Variants in CCDC15 observed in about 807,000 individuals in gnomAD.
CCDC15 encodes the protein coiled-coil domain-containing protein 15.
A neutral mutation model predicts 114.5 loss-of-function variants in CCDC15; 105 were observed. The ratio of observed to expected loss-of-function variants is 0.92; its 90% CI spans 0.78 to 1.08. The LOEUF (loss-of-function observed/expected upper bound fraction) is 1.08. CCDC15 is among the 50% of genes least tolerant of loss of function. CCDC15 has a pLI of 0.00. For synonymous variants in CCDC15, 334 were observed against 377.8 expected, an observed-to-expected ratio of 0.88 and a Z score of 1.34; for missense variants, 1,105 against 1,093.6, an observed-to-expected ratio of 1.01 and a Z score of -0.15.
chr11:125,007,619 G>A (rs71474124), intron 13 of CCDC15, among the ~76,000 whole-genome samples: 2 of 151,966 alleles, frequency 1.3e-5, no homozygotes, highest in Non-Finnish European at 2.9e-5. Context: ...GGATCATCTG[G>A]AAGTTCTGTT....
chr11:124,954,856 G>T lies in CCDC15; in HGVS notation c.124G>T (p.Val42Phe). Residue 42 changes from valine (V) to phenylalanine (F), a missense_variant, in exon 2 of 16, where the codon GTT (valine) becomes TTT (phenylalanine). By Grantham distance (50) the Val-to-Phe change is conservative (BLOSUM62 -1). Transcript: ENST00000344762. ...LAERNEAIVP[V>F]GAWVEPASPG... ...TGAGAGGAACGAGGCTATAGTACCAGTTGGGGCATGGGTGGAACCTGCCTC... is the reference window on the plus strand; with the variant it reads ...TGAGAGGAACGAGGCTATAGTACCATTTGGGGCATGGGTGGAACCTGCCTC... 6.2e-7 allele frequency: 1 copy of T among 1,614,046 alleles called. No homozygotes were observed. The highest frequency in any genetic ancestry group is 8.5e-7 in the Non-Finnish European group (1 of 1,179,892).
intron 13 of CCDC15, among the ~76,000 whole-genome samples, chr11:125,020,761 A>G (rs1264738013): frequency 6.6e-6 from 1 of 152,026 alleles, no homozygotes; most frequent in Admixed American, 6.6e-5. Flanking sequence ...TTTACAATAG[A>G]GGCTTTGAAG....
At chr11:124,990,732 A>G (rs746326094) in intron 8 of CCDC15, among the ~76,000 whole-genome samples, 1 of 152,142 alleles carries the variant, frequency 6.6e-6, no homozygotes, top group Non-Finnish European at 1.5e-5. Flanking sequence ...GAACAATTTA[A>G]TTTTTTATTT....
chr11:124,958,468 A>G (rs538622900), intron 2 of CCDC15, among the ~76,000 whole-genome samples: 1 of 152,234 alleles, frequency 6.6e-6, no homozygotes, highest in Middle Eastern at 3.4e-3. Context: ...CCTGGTTTAG[A>G]ATATGTTTTG....
chr11:125,004,191 T>C (rs1301627438), intron 12 of CCDC15, among the ~76,000 whole-genome samples: 1 of 152,030 alleles, frequency 6.6e-6, no homozygotes, highest in African/African-American at 2.4e-5. Context: ...AATAAATTTC[T>C]CCAGCTAATG....
intron 13 of CCDC15, among the ~76,000 whole-genome samples, chr11:125,036,240 C>T (rs1304963945): frequency 2.4e-5 from 3 of 124,444 alleles, no homozygotes; most frequent in Admixed American, 8.4e-5. Flanking sequence ...AATATTTTCA[C>T]CAGACATACT....
chr11:124,985,450 T>G (rs1412778999), intron 6 of CCDC15, among the ~76,000 whole-genome samples: 1 of 152,236 alleles, frequency 6.6e-6, no homozygotes, highest in Non-Finnish European at 1.5e-5. Context: ...ACCAGCAATA[T>G]GTGAGGGTTC....
intron 4 of CCDC15, among the ~76,000 whole-genome samples, chr11:124,968,865 C>T (rs1947832261): frequency 6.6e-6 from 1 of 152,154 alleles, no homozygotes; most frequent in Non-Finnish European, 1.5e-5. Context: ...CACTATTGGA[C>T]AACTCATTAC....
At chr11:124,976,806 G>A (rs1003819034) in intron 5 of CCDC15, among the ~76,000 whole-genome samples, 2 of 151,996 alleles carry the variant, frequency 1.3e-5, no homozygotes, top group East Asian at 1.9e-4. Context: ...AGTTTTTTAC[G>A]TCAGAGGTGC....
At chr11:124,963,018 A>G (rs1307614390) in intron 4 of CCDC15, among the ~76,000 whole-genome samples, 3 of 152,160 alleles carry the variant, frequency 2.0e-5, no homozygotes, top group East Asian at 1.9e-4. Context: ...CATGGTGTAT[A>G]TGTGCCACAT....
intron 13 of CCDC15, among the ~76,000 whole-genome samples, chr11:125,012,798 A>T (rs1468758449): frequency 6.6e-6 from 1 of 152,204 alleles, no homozygotes; most frequent in Non-Finnish European, 1.5e-5. Context: ...GCAAACATTT[A>T]TTGAAAACTT....
intron 9 of CCDC15, among the ~76,000 whole-genome samples, chr11:124,991,796 G>A (rs1393851952): frequency 6.6e-6 from 1 of 152,152 alleles, no homozygotes; most frequent in Non-Finnish European, 1.5e-5. Context: ...CGATTCTCCT[G>A]CCTCAGCCTC....
chr11:124,999,162 T>C (rs1161930748), intron 11 of CCDC15, among the ~76,000 whole-genome samples: 2 of 152,198 alleles, frequency 1.3e-5, no homozygotes, highest in Non-Finnish European at 2.9e-5. Context: ...CTATATGTAA[T>C]GTGTCTGTTT....
Position 124,984,518 on chromosome 11 carries a change from G to A in CCDC15, c.754-2224G>A, listed in dbSNP as rs118022432. 8.8e-3 allele frequency among the ~76,000 whole-genome samples: 1,337 copies of A among 152,224 alleles called. 8 individuals carry two copies. Among genetic ancestry groups the A allele is most frequent in the Middle Eastern group, 0.014 (4 of 294 alleles). On this transcript the variant is annotated intron_variant, in intron 6 of 15. Coordinates refer to ENST00000344762, the MANE Select transcript of CCDC15 (RefSeq NM_025004.3). ...CTAATGTCTCCTAGGGGAGCAAGGT[G>A]GGCCTTGGGGGATGGACAGCCTGAC...
intron 13 of CCDC15, among the ~76,000 whole-genome samples, chr11:125,019,253 C>A (rs1438994468): frequency 6.6e-6 from 1 of 151,920 alleles, no homozygotes; most frequent in Admixed American, 6.6e-5. Flanking sequence ...AAGCACTTCG[C>A]ATAGATTATC....
Position 125,038,938 on chromosome 11 carries a change from G to A in CCDC15, c.2603G>A (p.Arg868Gln). The change falls in exon 15 of 16, where the codon CGA becomes CAA. Residue 868 changes from arginine (R) to glutamine (Q), a missense_variant. Coordinates refer to ENST00000344762, the MANE Select transcript of CCDC15 (RefSeq NM_025004.3). The part of the protein sequence containing the change: ...KEYLRYVEAL[R>Q]AQIQEKMQLY... The stretch of plus-strand genomic sequence containing the variant: ...TTGTACAGATATGTAGAAGCTTTAC[G>A]AGCCCAAATCCAGGAGAAAATGCAG... 8 of 1,612,776 alleles carry A rather than the reference G, an allele frequency of 5.0e-6. No individual in the cohort carries two copies. The highest frequency in any genetic ancestry group is 6.8e-6 in the Non-Finnish European group (8 of 1,179,202).
chr11:124,966,948 A>G (rs1947794238), intron 4 of CCDC15, among the ~76,000 whole-genome samples: 1 of 152,234 alleles, frequency 6.6e-6, no homozygotes. Flanking sequence ...CTTTTCTATA[A>G]GAATGTTGAA....
chr11:124,970,975 G>T (rs75655621), intron 4 of CCDC15, among the ~76,000 whole-genome samples: 216 of 152,126 alleles, frequency 1.4e-3, no homozygotes, highest in African/African-American at 4.8e-3. Flanking sequence ...TTTTTGGTGT[G>T]CAGAAGACAT....
At position 124,987,503 on chromosome 11, in the gene CCDC15, T is replaced by G; in HGVS notation, c.1277T>G (p.Val426Gly). 6.2e-7 allele frequency: 1 copy of G among 1,613,982 alleles called. No homozygotes were observed. Among genetic ancestry groups the G allele is most frequent in the Non-Finnish European group, 8.5e-7 (1 of 1,179,886 alleles). Reference sequence around the variant, plus strand: ...GCTCTTCTAACGAAAAACCAGGATGTTTTACTCAAAGACCACTGTGTTCTC... The same window carrying G: ...GCTCTTCTAACGAAAAACCAGGATGGTTTACTCAAAGACCACTGTGTTCTC... ...NQALLTKNQD[V>G]LLKDHCVLPK... The change falls in exon 8 of 16, where the codon GTT becomes GGT. Residue 426 changes from valine to glycine, a missense_variant. Coordinates refer to ENST00000344762, the MANE Select transcript of CCDC15 (RefSeq NM_025004.3).
Sources: gnomAD v4.1 joint callset for allele counts (sites outside exome capture counted in the v4.1 genomes callset) on GRCh38, gnomAD v4.1.1 for gene constraint, MANE v1.5 for transcripts, NCBI Gene and HGNC (gene_info 2026-07-23, HGNC 2026-07-21) for gene names.